Variants in UBE2D1 observed in about 807,000 individuals in gnomAD.
UBE2D1 encodes ubiquitin-conjugating enzyme E2 D1.
Under a neutral mutation model 24.6 loss-of-function variants are expected in UBE2D1, and 9 were observed. The observed-to-expected ratio is 0.37, with a 90% CI of 0.22 to 0.64. The LOEUF (loss-of-function observed/expected upper bound fraction) is 0.64. Among genes scored for constraint, UBE2D1 ranks in the 30% least tolerant of loss-of-function variants. The probability of loss-of-function intolerance (pLI) is 0.64; values close to 1 mark genes in which losing one functional copy is unlikely to be tolerated. For missense variants in UBE2D1, 87 were observed against 177.1 expected, an observed-to-expected ratio of 0.49 and a Z score of 2.89; for synonymous variants, 57 against 57.6, an observed-to-expected ratio of 0.99 and a Z score of 0.04.
At chr10:58,350,680 G>T (rs1840064971) in intron 1 of UBE2D1, among the ~76,000 whole-genome samples, 2 of 151,928 alleles carry the variant, frequency 1.3e-5, no homozygotes, top group Admixed American at 1.3e-4. Flanking sequence ...TGCCTTTATG[G>T]GGTTTTAAAA....
rs992024323 is a variant in UBE2D1, at chr10:58,335,030, G to C, written c.-172G>C. On this transcript the variant is annotated 5_prime_UTR_variant, in exon 1 of 7. Transcript: ENST00000373910. ...CGCACACTCGCGCACACTCGCGCTC[G>C]GGCGCACACGGAGCAGGGACCGGCG... 1.6e-6 allele frequency: 1 copy of C among 608,656 alleles called. No homozygotes were observed. The highest frequency in any genetic ancestry group is 2.7e-6 in the Non-Finnish European group (1 of 369,250). 37.7% of individuals were successfully genotyped at this position (608,656 alleles called of 1,614,324 possible). A position where few individuals can be genotyped will look rare whatever the true frequency, so the allele number is the denominator to read the frequency against.
intron 1 of UBE2D1, among the ~76,000 whole-genome samples, chr10:58,335,980 A>C (rs1352307594): frequency 6.6e-6 from 1 of 152,234 alleles, no homozygotes; most frequent in Non-Finnish European, 1.5e-5. Context: ...CACAACATAA[A>C]CTGTCGCAAA....
At chr10:58,347,447 T>C (rs1427186936) in intron 1 of UBE2D1, among the ~76,000 whole-genome samples, 2 of 152,168 alleles carry the variant, frequency 1.3e-5, no homozygotes, top group Non-Finnish European at 2.9e-5. Flanking sequence ...AAATATTATA[T>C]GTAGAGAGTG....
At chr10:58,356,698 A>G (rs1840134698) in intron 1 of UBE2D1, among the ~76,000 whole-genome samples, 1 of 152,158 alleles carries the variant, frequency 6.6e-6, no homozygotes, top group Non-Finnish European at 1.5e-5. Context: ...ACAGTGAGTG[A>G]CATGCTTATT....
At chr10:58,338,956 A>G (rs1450427526) in intron 1 of UBE2D1, among the ~76,000 whole-genome samples, 3 of 152,244 alleles carry the variant, frequency 2.0e-5, no homozygotes, top group African/African-American at 7.2e-5. Context: ...ATAGAGAGAC[A>G]TAGATTAAAA....
At position 58,341,591 on chromosome 10, in the gene UBE2D1, G is replaced by A. The variant is rs116780473; in HGVS notation, c.24+6366G>A. Among the ~76,000 whole-genome samples, 903 of 152,190 alleles carry A rather than the reference G, an allele frequency of 5.9e-3. 14 individuals are homozygous for A. The highest frequency in any genetic ancestry group is 0.02 in the African/African-American group (836 of 41,534). On this transcript the variant is annotated intron_variant, in intron 1 of 6. Coordinates refer to ENST00000373910, the MANE Select transcript of UBE2D1 (RefSeq NM_003338.5). ...AATAAATAGCCTAGAACTAAATAAA[G>A]CTGTTTATGCCTATTTTAAGAAGCC...
intron 1 of UBE2D1, among the ~76,000 whole-genome samples, chr10:58,358,063 G>T (rs1010717864): frequency 5.9e-5 from 9 of 151,858 alleles, no homozygotes; most frequent in Admixed American, 5.9e-4. Context: ...ATTTTAAAGG[G>T]TTTTGAAGAA....
At chr10:58,366,707 G>A (rs1840259141) in intron 5 of UBE2D1, among the ~76,000 whole-genome samples, 1 of 151,154 alleles carries the variant, frequency 6.6e-6, no homozygotes, top group African/African-American at 2.4e-5. Flanking sequence ...GTCTCCCAAA[G>A]TGCTGGGATT....
At chr10:58,348,766 G>A (rs976013957) in intron 1 of UBE2D1, among the ~76,000 whole-genome samples, 3 of 152,302 alleles carry the variant, frequency 2.0e-5, no homozygotes, top group Admixed American at 6.5e-5. Flanking sequence ...GTTCTCACTT[G>A]TTTGCTTTTA....
intron 1 of UBE2D1, among the ~76,000 whole-genome samples, chr10:58,340,362 G>A (rs377603574): frequency 1.3e-5 from 2 of 152,124 alleles, no homozygotes; most frequent in Admixed American, 6.5e-5. Context: ...CAGACCATGG[G>A]CAGAGCATTT....
At chr10:58,336,884 T>C (rs1225384902) in intron 1 of UBE2D1, among the ~76,000 whole-genome samples, 1 of 152,222 alleles carries the variant, frequency 6.6e-6, no homozygotes, top group Non-Finnish European at 1.5e-5. Flanking sequence ...CCCATGCTGA[T>C]CTTGAACTCC....
intron 1 of UBE2D1, among the ~76,000 whole-genome samples, chr10:58,355,516 A>G (rs2132325503): frequency 6.6e-6 from 1 of 152,322 alleles, no homozygotes; most frequent in East Asian, 1.9e-4. Context: ...ATCTGATTAA[A>G]TACAAAGGAC....
intron 1 of UBE2D1, among the ~76,000 whole-genome samples, chr10:58,355,265 A>G (rs908680108): frequency 5.3e-5 from 8 of 152,190 alleles, no homozygotes; most frequent in Non-Finnish European, 1.2e-4. Context: ...ATAAGAGTGT[A>G]GGTTTGGGAC....
intron 1 of UBE2D1, among the ~76,000 whole-genome samples, chr10:58,346,077 C>A (rs1840012795): frequency 6.7e-6 from 1 of 148,570 alleles, no homozygotes; most frequent in Non-Finnish European, 1.5e-5. Context: ...GTGGTACAAT[C>A]TTTGCTCACT....
At chr10:58,366,682 G>A (rs1179014330) in intron 5 of UBE2D1, among the ~76,000 whole-genome samples, 1 of 151,312 alleles carries the variant, frequency 6.6e-6, no homozygotes, top group Admixed American at 6.6e-5. Flanking sequence ...GGCCTCAAGT[G>A]ATCCTCCTGC....
In UBE2D1 at chr10:58,363,641, T is replaced by C; in HGVS notation, c.153T>C (p.Phe51=). ...GCGCATATCAAGGTGGAGTCTTCTT[T>C]CTCACTGTACATTTTCCGACAGATT... The part of the protein sequence containing the change: ...PDSAYQGGVF[F]LTVHFPTDYP... Residue 51 remains phenylalanine (F), a synonymous_variant, in exon 4 of 7, where the codon TTT becomes TTC. Transcript: ENST00000373910. 6.2e-7 allele frequency: 1 copy of C among 1,612,302 alleles called. No individual in the cohort carries two copies. The highest frequency in any genetic ancestry group is 1.1e-5 in the South Asian group (1 of 90,692).
rs567576262 is a variant in UBE2D1, at chr10:58,351,441, T to G, written c.25-9897T>G. ...CTTTTTAAGCTTTTTTGTTAAAAAC[T>G]AAGACACAAACCCACACATTAGCCT... On this transcript the variant is annotated intron_variant, in intron 1 of 6. Coordinates refer to ENST00000373910, the MANE Select transcript of UBE2D1 (RefSeq NM_003338.5). Among the ~76,000 whole-genome samples the G allele has an allele frequency of 2.6e-5, 4 of 152,346 alleles. 1 individual carries two copies. In the South Asian group the frequency reaches 6.2e-4, roughly 24 times the overall value.
rs780286812 is a variant in UBE2D1, at chr10:58,361,457, A to G, written c.89-38A>G. 29 of 1,613,978 alleles carry G rather than the reference A, an allele frequency of 1.8e-5. No individual in the cohort carries two copies. The Admixed American group carries it at 4.7e-4, about 26-fold the overall frequency. On this transcript the variant is annotated intron_variant, in intron 2 of 6. Transcript: ENST00000373910. ...TACCTTTAAAAATATAGGTTTGAAC[A>G]TTTGTTAATGACTCCAAAACTCCTT...
chr10:58,336,901 C>G (rs1485751086), intron 1 of UBE2D1, among the ~76,000 whole-genome samples: 7 of 152,072 alleles, frequency 4.6e-5, no homozygotes, highest in Non-Finnish European at 7.3e-5. Context: ...CTCCTGGCCT[C>G]CAGAAAGTCT....
Sources: allele counts gnomAD v4.1 joint callset (sites outside exome capture counted in the v4.1 genomes callset), GRCh38; gene constraint gnomAD v4.1.1; transcripts MANE v1.5; gene names NCBI Gene and HGNC (gene_info 2026-07-23, HGNC 2026-07-21).